The following ACO1 variants were observed in gnomAD, a reference collection of about 807,000 sequenced individuals.
ACO1 encodes aconitase 1.
A neutral mutation model predicts 105.1 loss-of-function variants in ACO1; 78 were observed. That is an observed-to-expected ratio of 0.74 (90% CI 0.62 to 0.90). The LOEUF is 0.90. Ranked by LOEUF, ACO1 falls within the 40% of genes least tolerant of loss-of-function variation. The pLI, the probability that ACO1 is intolerant of heterozygous loss-of-function variation, is 0.00. For synonymous variants in ACO1, 364 were observed against 397.4 expected (o/e 0.92, Z 1.00); for missense variants, 965 against 1,111.1 (o/e 0.87, Z 1.87).
intron 1 of ACO1, among the ~76,000 whole-genome samples, chr9:32,387,710 T>TATATTTGTACATATGTG (rs1418024030): frequency 6.6e-6 from 1 of 152,208 alleles, no homozygotes; most frequent in Non-Finnish European, 1.5e-5. Flanking sequence ...TGGGTTATGG[T>TATATTTGTACATATGTG]TATACAGTTT....
rs1822121285 is a variant in ACO1, at chr9:32,427,298, C to T, written c.1349-3C>T. 1.2e-6 allele frequency: 2 copies of T among 1,614,092 alleles called. No individual in the cohort carries two copies. Among genetic ancestry groups the T allele is most frequent in the Middle Eastern group, 1.6e-4 (1 of 6,062 alleles). ...CACTGCATCTGTGTTTACCATTTCACAGGATTGTTAGCAAAGAAAGCTGTG... is the reference window on the plus strand; with the variant it reads ...CACTGCATCTGTGTTTACCATTTCATAGGATTGTTAGCAAAGAAAGCTGTG... On this transcript the variant is annotated splice_region_variant and splice_polypyrimidine_tract_variant and intron_variant, in intron 11 of 20. Transcript: ENST00000309951.
At chr9:32,397,853 A>G (rs1324373058) in intron 1 of ACO1, among the ~76,000 whole-genome samples, 3 of 152,198 alleles carry the variant, frequency 2.0e-5, no homozygotes, top group Non-Finnish European at 4.4e-5. Context: ...TAGACTTTTT[A>G]AATCCACTCT....
At position 32,453,434 on chromosome 9, in the gene ACO1, C is replaced by T. The variant is rs73644971; in HGVS notation, c.*3323C>T. ...CTATGGGCTTGATTGGATCTAGTGACTCAAGCTCCCTTCCATTTGCCCCTC... is the reference window on the plus strand; with the variant it reads ...CTATGGGCTTGATTGGATCTAGTGATTCAAGCTCCCTTCCATTTGCCCCTC... On this transcript the variant is annotated 3_prime_UTR_variant, in exon 21 of 21. Coordinates refer to ENST00000309951, the MANE Select transcript of ACO1 (RefSeq NM_002197.3). The T allele has an allele frequency of 6.6e-6, 1 of 151,404 alleles. No individual in the cohort carries two copies. The highest frequency in any genetic ancestry group is 2.4e-5 in the African/African-American group (1 of 41,180). 9.4% of individuals were successfully genotyped at this position (151,404 alleles called of 1,614,324 possible). A position where few individuals can be genotyped will look rare whatever the true frequency, so the allele number is the denominator to read the frequency against.
At position 32,408,570 on chromosome 9, in the gene ACO1, G is replaced by C. The variant is rs895641100; in HGVS notation, c.323G>C (p.Gly108Ala). 6.2e-7 allele frequency: 1 copy of C among 1,614,042 alleles called. No homozygotes were observed. The change falls in exon 4 of 21, where the codon GGA becomes GCA. Residue 108 changes from glycine (G) to alanine (A), a missense_variant. By Grantham distance (60) the Gly-to-Ala change is moderately conservative (BLOSUM62 0). Coordinates refer to ENST00000309951, the MANE Select transcript of ACO1 (RefSeq NM_002197.3). ...AAMRDAVKKLGGDPEKINPVC... is the reference protein window; with the variant it reads ...AAMRDAVKKLAGDPEKINPVC... ...ATGCGTGATGCTGTGAAAAAGTTAG[G>C]AGGAGATCCAGAGAAAATAAACCCT...
At chr9:32,429,357 C>A in intron 12 of ACO1, 62 bp from the exon 13 acceptor site, 3 of 1,500,652 alleles carry the variant, frequency 2.0e-6, no homozygotes, top group East Asian at 2.3e-5. Context: ...CTGTGGCCAG[C>A]AGAAGGGCTC....
chr9:32,402,865 G>A (rs1410862972), intron 1 of ACO1, among the ~76,000 whole-genome samples: 1 of 152,144 alleles, frequency 6.6e-6, no homozygotes, highest in African/African-American at 2.4e-5. Flanking sequence ...TATATGGAGG[G>A]CCTGTTTTCC....
chr9:32,435,703 G>A (rs7019520), intron 17 of ACO1, among the ~76,000 whole-genome samples: 3,563 of 152,222 alleles, frequency 0.023, 139 homozygotes, highest in African/African-American at 0.082. Context: ...CTTTAGCACT[G>A]CCTCGATTTT....
intron 1 of ACO1, among the ~76,000 whole-genome samples, chr9:32,402,760 T>C (rs1821524767): frequency 6.6e-6 from 1 of 152,222 alleles, no homozygotes; most frequent in Non-Finnish European, 1.5e-5. Context: ...TGTTTTTGGC[T>C]TTGTCTTGGA....
In ACO1 at chr9:32,431,863, TC is replaced by T; in HGVS notation, c.1851+24del. ...ATAGAGGTGAGGTCCCACACTGCCC[TC>T]CCCGCCCCAGAGGATCTAAGGGAAA... On this transcript the variant is annotated intron_variant, in intron 15 of 20. Coordinates refer to ENST00000309951, the MANE Select transcript of ACO1 (RefSeq NM_002197.3). The T allele has an allele frequency of 6.2e-7, 1 of 1,613,170 alleles. No homozygotes were observed. Among genetic ancestry groups the T allele is most frequent in the Non-Finnish European group, 8.5e-7 (1 of 1,179,624 alleles).
At chr9:32,442,778 A>G (rs1461985649) in intron 19 of ACO1, among the ~76,000 whole-genome samples, 1 of 152,184 alleles carries the variant, frequency 6.6e-6, no homozygotes, top group African/African-American at 2.4e-5. Context: ...TTGCTAAAAC[A>G]TGTTATATCA....
intron 4 of ACO1, among the ~76,000 whole-genome samples, chr9:32,417,028 A>C (rs1303204197): frequency 1.3e-5 from 2 of 152,196 alleles, no homozygotes; most frequent in Non-Finnish European, 2.9e-5. Flanking sequence ...GCTGTTAACT[A>C]TGACGGGAAG....
chr9:32,451,616 A>G lies in ACO1; in HGVS notation c.*1505A>G, dbSNP rs1394872083. On this transcript the variant is annotated 3_prime_UTR_variant, in exon 21 of 21. Transcript: ENST00000309951. Reference sequence around the variant, plus strand: ...TCTTTGTAATGAATTTTTAATGTCAACCTTAGCACTCAGGGGATATGGCCT... The same window carrying G: ...TCTTTGTAATGAATTTTTAATGTCAGCCTTAGCACTCAGGGGATATGGCCT... 1 of 152,216 alleles carries G rather than the reference A, an allele frequency of 6.6e-6. No individual in the cohort carries two copies. Among genetic ancestry groups the G allele is most frequent in the Non-Finnish European group, 1.5e-5 (1 of 68,062 alleles). The allele number at this position is 152,216 out of a possible 1,614,324, so 9.4% of individuals were successfully genotyped here.
intron 4 of ACO1, among the ~76,000 whole-genome samples, chr9:32,412,616 C>T (rs1023681737): frequency 6.6e-6 from 1 of 152,146 alleles, no homozygotes; most frequent in African/African-American, 2.4e-5. Flanking sequence ...TGGAACAGAC[C>T]ATGTACTCGC....
intron 4 of ACO1, among the ~76,000 whole-genome samples, chr9:32,412,823 A>G (rs532854100): frequency 8.2e-4 from 125 of 152,308 alleles, no homozygotes; most frequent in African/African-American, 2.9e-3. Flanking sequence ...AGTAGCCATA[A>G]ATTCATGCCC....
At chr9:32,414,937 G>A (rs1209734633) in intron 4 of ACO1, among the ~76,000 whole-genome samples, 2 of 152,174 alleles carry the variant, frequency 1.3e-5, no homozygotes, top group South Asian at 2.1e-4. Flanking sequence ...GTTGATAAGT[G>A]TAGTCACCAC....
Position 32,453,121 on chromosome 9 carries a change from C to T in ACO1, c.*3010C>T, listed in dbSNP as rs10970985. 2.0e-5 allele frequency: 3 copies of T among 151,850 alleles called. No individual in the cohort carries two copies. The highest frequency in any genetic ancestry group is 4.8e-5 in the African/African-American group (2 of 41,320). 9.4% of individuals were successfully genotyped at this position (151,850 alleles called of 1,614,324 possible). A position where few individuals can be genotyped will look rare whatever the true frequency, so the allele number is the denominator to read the frequency against. ...GCTGTTCTCCCTCCCATATTCTTTG[C>T]GAATGAAGATTCCCCTGTTTGTTTG... On this transcript the variant is annotated 3_prime_UTR_variant, in exon 21 of 21. Coordinates refer to ENST00000309951, the MANE Select transcript of ACO1 (RefSeq NM_002197.3).
intron 4 of ACO1, among the ~76,000 whole-genome samples, chr9:32,415,554 C>T (rs982906885): frequency 2.0e-5 from 3 of 152,002 alleles, no homozygotes; most frequent in Non-Finnish European, 4.4e-5. Context: ...TAGATCTGGA[C>T]GTAGAGACAG....
intron 20 of ACO1, 53 bp from the exon 21 acceptor site, chr9:32,449,945 C>A: frequency 6.9e-7 from 1 of 1,453,074 alleles, no homozygotes; most frequent in Non-Finnish European, 9.7e-7. Flanking sequence ...TTCCTCCGAG[C>A]AGAGCTGTCT....
At chr9:32,419,203 G>A in intron 7 of ACO1, 26 bp downstream of exon 7, 1 of 1,527,282 alleles carries the variant, frequency 6.5e-7, no homozygotes, top group Non-Finnish European at 8.8e-7. Flanking sequence ...CTCTTCTGTG[G>A]TCTTGGAAAG....
Sources: allele counts gnomAD v4.1 joint callset (sites outside exome capture counted in the v4.1 genomes callset), GRCh38; gene constraint gnomAD v4.1.1; transcripts MANE v1.5; gene names NCBI Gene and HGNC (gene_info 2026-07-23, HGNC 2026-07-21).